Variants in MFSD8 observed in about 807,000 individuals in gnomAD.
MFSD8 encodes major facilitator superfamily domain containing 8.
Under a neutral mutation model 66.4 loss-of-function variants are expected in MFSD8, and 55 were observed. The ratio of observed to expected loss-of-function variants is 0.83; its 90% CI spans 0.67 to 1.04. MFSD8 has a LOEUF of 1.04. MFSD8 is among the 50% of genes least tolerant of loss of function. The probability of loss-of-function intolerance (pLI) is 0.00; values close to 1 mark genes in which losing one functional copy is unlikely to be tolerated. For missense variants in MFSD8, 550 were observed against 627.6 expected (o/e 0.88, Z 1.32); for synonymous variants, 202 against 212.8 (o/e 0.95, Z 0.44).
At chr4:127,941,493 G>A (rs575115822) in intron 5 of MFSD8, among the ~76,000 whole-genome samples, 82 of 151,976 alleles carry the variant, frequency 5.4e-4, no homozygotes, top group African/African-American at 1.8e-3. Context: ...ACAGAGTCTC[G>A]CGCTTGTTGC....
chr4:127,919,163 C>T lies in MFSD8; in HGVS notation c.*1467G>A, dbSNP rs1023902538. 2.6e-5 allele frequency: 4 copies of T among 152,160 alleles called. No individual in the cohort carries two copies. The highest frequency in any genetic ancestry group is 9.6e-5 in the African/African-American group (4 of 41,460). The allele number at this position is 152,160 out of a possible 1,614,324, so 9.4% of individuals were successfully genotyped here. A position where few individuals can be genotyped will look rare whatever the true frequency, so the allele number is the denominator to read the frequency against. The stretch of plus-strand genomic sequence containing the variant: ...GCTGAAAAAATTGAGTTTAAGAGCA[C>T]AGCTAGTTTAGCATAAAGTGCAGAT... On this transcript the variant is annotated 3_prime_UTR_variant, in exon 12 of 12. Coordinates refer to ENST00000641686, the MANE Select transcript of MFSD8 (RefSeq NM_001371596.2).
At chr4:127,932,867 T>C in intron 8 of MFSD8, 118 bp downstream of exon 8, 1 of 776,188 alleles carries the variant, frequency 1.3e-6, no homozygotes. Context: ...TACATCATGG[T>C]AAGAAAAATT....
At chr4:127,921,144 G>C in intron 11 of MFSD8, 1 of 554,642 alleles carries the variant, frequency 1.8e-6, no homozygotes. Context: ...ACTGAGGTAG[G>C]TGCTTTAAAT....
At chr4:127,923,552 TTTATTATTATTATTATTA>T (rs200387529) in intron 9 of MFSD8, among the ~76,000 whole-genome samples, 70 of 130,562 alleles carry the variant, frequency 5.4e-4, no homozygotes, top group African/African-American at 1.9e-3. Flanking sequence ...TTTATTTTTA[TTTATTATTATTATTATTA>T]TTATTATTAT....
At chr4:127,955,490 A>G (rs1312712154) in intron 2 of MFSD8, among the ~76,000 whole-genome samples, 1 of 151,356 alleles carries the variant, frequency 6.6e-6, no homozygotes, top group African/African-American at 2.4e-5. Flanking sequence ...CAGTGAGCCA[A>G]GATCACACCA....
chr4:127,955,153 C>G (rs1236078617), intron 2 of MFSD8, among the ~76,000 whole-genome samples: 1 of 152,158 alleles, frequency 6.6e-6, no homozygotes, highest in African/African-American at 2.4e-5. Flanking sequence ...GGACTAAAAG[C>G]AGGATCTTGA....
chr4:127,954,229 G>A (rs752303784), intron 2 of MFSD8, among the ~76,000 whole-genome samples: 3 of 152,092 alleles, frequency 2.0e-5, no homozygotes, highest in Non-Finnish European at 4.4e-5. Flanking sequence ...ATGTGAATAG[G>A]TTAAAATACA....
chr4:127,962,852 T>C lies in MFSD8; in HGVS notation c.62+2220A>G, dbSNP rs552926533. 4.1e-4 allele frequency among the ~76,000 whole-genome samples: 63 copies of C among 152,358 alleles called. No individual in the cohort carries two copies. The Middle Eastern group carries it at 0.02, about 49-fold the overall frequency. On this transcript the variant is annotated intron_variant, in intron 1 of 11. Transcript: ENST00000641686. ...ACTGCATTGCATAAACTCTGTTTAGTAAATCGAGGACCAGAGAAATACATT... is the reference window on the plus strand; with the variant it reads ...ACTGCATTGCATAAACTCTGTTTAGCAAATCGAGGACCAGAGAAATACATT...
chr4:127,922,885 G>A (rs548217222), intron 9 of MFSD8, among the ~76,000 whole-genome samples: 130 of 152,180 alleles, frequency 8.5e-4, no homozygotes, highest in African/African-American at 2.9e-3. Context: ...ATGAATTAAT[G>A]GATCTATGGA....
chr4:127,942,199 T>C, intron 4 of MFSD8, 41 bp from the exon 5 acceptor site: 1 of 1,461,080 alleles, frequency 6.8e-7, no homozygotes, highest in Non-Finnish European at 9.6e-7. Flanking sequence ...AAAGAAAGTA[T>C]CATTCAGCTT....
At position 127,943,841 on chromosome 4, in the gene MFSD8, G is replaced by C. The variant is rs759795397; in HGVS notation, c.350C>G (p.Ala117Gly). ...GTGGAGATATGCATAGAGGCAGTTG[G>C]CTGCCACGGAAATCAAGATGGAGAC... ...LIVSILISVAANCLYAYLHIP... is the reference protein window; with the variant it reads ...LIVSILISVAGNCLYAYLHIP... Residue 117 changes from alanine (A) to glycine (G), a missense_variant, in exon 4 of 12, where the codon GCC becomes GGC. Ala to Gly is a moderately conservative substitution (Grantham distance 60). Coordinates refer to ENST00000641686, the MANE Select transcript of MFSD8 (RefSeq NM_001371596.2). The C allele has an allele frequency of 2.5e-6, 4 of 1,614,032 alleles. No homozygotes were observed. The highest frequency in any genetic ancestry group is 3.4e-6 in the Non-Finnish European group (4 of 1,180,014).
chr4:127,921,020 A>G (rs909126526), intron 11 of MFSD8, 184 bp from the exon 12 acceptor site: 5 of 631,262 alleles, frequency 7.9e-6, no homozygotes, highest in African/African-American at 7.3e-5. Context: ...ATTAAAAAAA[A>G]TAAAAGGAGT....
intron 9 of MFSD8, among the ~76,000 whole-genome samples, chr4:127,927,497 T>G (rs1421426632): frequency 9.2e-5 from 14 of 152,196 alleles, no homozygotes; most frequent in Admixed American, 9.2e-4. Flanking sequence ...CTTAGTGCTA[T>G]TTTCAACTTA....
intron 1 of MFSD8, among the ~76,000 whole-genome samples, chr4:127,959,519 T>A (rs1743404882): frequency 6.6e-6 from 1 of 152,100 alleles, no homozygotes; most frequent in African/African-American, 2.4e-5. Context: ...AGTGATGGAG[T>A]TGCGTAAAAG....
rs758114648 is a variant in MFSD8 at position 127,921,758 on chromosome 4, A to T, written c.1116T>A (p.Asn372Lys). The T allele has an allele frequency of 3.7e-6, 6 of 1,614,082 alleles. No homozygotes were observed. The East Asian group carries it at 1.3e-4, about 36-fold the overall frequency. The stretch of plus-strand genomic sequence containing the variant: ...CCCCAAATGTGGTATTAGGGATTGA[A>T]TTATTGTGCAAATCTGTAAAAACAA... Reference protein sequence around the residue: ...PKIQWEDLHNNSIPNTTFGEI... With the variant: ...PKIQWEDLHNKSIPNTTFGEI... Residue 372 changes from asparagine (N) to lysine (K), a missense_variant, in exon 11 of 12, where the codon AAT (asparagine) becomes AAA (lysine). Coordinates refer to ENST00000641686, the MANE Select transcript of MFSD8 (RefSeq NM_001371596.2).
chr4:127,964,501 G>C (rs1339029327), intron 1 of MFSD8, among the ~76,000 whole-genome samples: 1 of 152,226 alleles, frequency 6.6e-6, no homozygotes, highest in Non-Finnish European at 1.5e-5. Context: ...CTCATTGCCC[G>C]GGGCCGGCAG....
At position 127,930,822 on chromosome 4, in the gene MFSD8, G is replaced by GA. The variant is rs200526922; in HGVS notation, c.864-6dup. ...ATTGTTAATGGAGTAATGATGCTAA[G>GA]AAAAAAAAAATTATTCTTATTTTAT... is the stretch of plus-strand genomic sequence containing the variant. On this transcript the variant is annotated splice_polypyrimidine_tract_variant and splice_region_variant and intron_variant, in intron 8 of 11. Coordinates refer to ENST00000641686, the MANE Select transcript of MFSD8 (RefSeq NM_001371596.2). 2,099 of 1,534,934 alleles carry GA rather than the reference G, an allele frequency of 1.4e-3. 2 individuals carry two copies. Among genetic ancestry groups the GA allele is most frequent in the South Asian group, 2.2e-3 (179 of 81,794 alleles).
At chr4:127,932,135 C>T (rs749628707) in intron 8 of MFSD8, among the ~76,000 whole-genome samples, 2 of 151,988 alleles carry the variant, frequency 1.3e-5, no homozygotes, top group East Asian at 1.9e-4. Flanking sequence ...AAAGTTAACA[C>T]GATAAATTTT....
At chr4:127,945,138 G>C (rs759166811) in intron 3 of MFSD8, among the ~76,000 whole-genome samples, 11 of 152,170 alleles carry the variant, frequency 7.2e-5, no homozygotes, top group Admixed American at 2.0e-4. Flanking sequence ...CCTGTGAAAA[G>C]CCACTGCACT....
Sources: gnomAD v4.1 joint callset for allele counts (sites outside exome capture counted in the v4.1 genomes callset) on GRCh38, gnomAD v4.1.1 for gene constraint, MANE v1.5 for transcripts, NCBI Gene and HGNC (gene_info 2026-07-23, HGNC 2026-07-21) for gene names.